Variants in LGI2 observed in about 807,000 individuals in gnomAD.
The protein encoded by LGI2 is leucine rich repeat LGI family member 2.
A neutral mutation model predicts 52.0 loss-of-function variants in LGI2; 30 were observed. The observed-to-expected ratio is 0.58, with a 90% CI of 0.43 to 0.78. LGI2 has a LOEUF of 0.78. Among genes scored for constraint, LGI2 ranks in the 30% least tolerant of loss-of-function variants. The pLI is 0.00. For missense variants in LGI2, 573 were observed against 692.5 expected, an observed-to-expected ratio of 0.83 and a Z score of 1.94; for synonymous variants, 270 against 271.8, an observed-to-expected ratio of 0.99 and a Z score of 0.06.
At position 25,027,261 on chromosome 4, in the gene LGI2, C is replaced by G. The variant is rs994826384; in HGVS notation, c.270-322G>C. Among the ~76,000 whole-genome samples, 4 of 152,102 alleles carry G rather than the reference C, an allele frequency of 2.6e-5. No homozygotes were observed. In the South Asian group the frequency reaches 6.2e-4, roughly 24 times the overall value. ...AGCACGACTAAACAGCCAGTGAATGCTTTATGGTACACAAGCAATCATAAA... is the reference window on the plus strand; with the variant it reads ...AGCACGACTAAACAGCCAGTGAATGGTTTATGGTACACAAGCAATCATAAA... On this transcript the variant is annotated intron_variant, in intron 2 of 7. Transcript: ENST00000382114.
chr4:24,996,481 C>G (rs1299270901), downstream of LGI2, among the ~76,000 whole-genome samples: 1 of 152,102 alleles, frequency 6.6e-6, no homozygotes, highest in Non-Finnish European at 1.5e-5. Flanking sequence ...ACAATGTGTC[C>G]TGAATTCTTT....
At chr4:24,992,395 G>A in the LGI2 span, among the ~76,000 whole-genome samples, 60 of 152,102 alleles carry the variant, frequency 3.9e-4, 1 homozygote, top group South Asian at 9.4e-3. Context: ...GGCTACTCAC[G>A]GGTAAGTGGG....
chr4:25,030,862 T>C lies in LGI2; in HGVS notation c.-169A>G, dbSNP rs1427236776. ...GCCGAGCCGCAGCCGAGCAGCATGC[T>C]GGCCGCCACCCCCACTCGGCGCCCC... On this transcript the variant is annotated 5_prime_UTR_variant, in exon 1 of 8. Transcript: ENST00000382114. 2 of 211,240 alleles carry C rather than the reference T, an allele frequency of 9.5e-6. No homozygotes were observed. The highest frequency in any genetic ancestry group is 6.4e-5 in the Admixed American group (1 of 15,584). 13.1% of individuals were successfully genotyped at this position (211,240 alleles called of 1,614,324 possible).
rs954520544 is a variant in LGI2, at chr4:24,999,863, A to G, written c.*3588T>C. ...GAGAGCAATTCATCACCACTCGTGCATTCAGGTTTTGAATTTTTCCTTCAC... is the reference window on the plus strand; with the variant it reads ...GAGAGCAATTCATCACCACTCGTGCGTTCAGGTTTTGAATTTTTCCTTCAC... On this transcript the variant is annotated 3_prime_UTR_variant, in exon 8 of 8. Coordinates refer to ENST00000382114, the MANE Select transcript of LGI2 (RefSeq NM_018176.4). 4.4e-6 allele frequency: 2 copies of G among 456,108 alleles called. No homozygotes were observed. Among genetic ancestry groups the G allele is most frequent in the African/African-American group, 2.0e-5 (1 of 50,070 alleles). The allele number at this position is 456,108 out of a possible 1,614,324, so 28.3% of individuals were successfully genotyped here. A position where few individuals can be genotyped will look rare whatever the true frequency, so the allele number is the denominator to read the frequency against.
intron 5 of LGI2, among the ~76,000 whole-genome samples, chr4:25,018,724 T>C (rs931233173): frequency 1.3e-5 from 2 of 151,600 alleles, no homozygotes; most frequent in Non-Finnish European, 2.9e-5. Flanking sequence ...TAGCTGGGGG[T>C]AGTGGTGTGC....
chr4:24,996,683 G>A (rs553078403), downstream of LGI2, among the ~76,000 whole-genome samples: 12 of 152,264 alleles, frequency 7.9e-5, no homozygotes, highest in African/African-American at 2.4e-4. Flanking sequence ...TGGGCTGGCC[G>A]CACCACCTTA....
intron 1 of LGI2, 129 bp downstream of exon 1, chr4:25,030,368 C>T: frequency 9.9e-7 from 1 of 1,013,986 alleles, no homozygotes; most frequent in Non-Finnish European, 1.4e-6. Flanking sequence ...ACGTCCCCCA[C>T]ACAAAGGCAA....
At chr4:24,996,890 G>A (rs957823868), downstream of LGI2, among the ~76,000 whole-genome samples, 1 of 152,224 alleles carries the variant, frequency 6.6e-6, no homozygotes, top group Non-Finnish European at 1.5e-5. Context: ...AGAGGTGTGT[G>A]CAGGAGCATG....
In LGI2 at chr4:25,018,035, C is replaced by T. The variant is rs1380300608; in HGVS notation, c.609G>A (p.Lys203=). 1 of 1,613,054 alleles carries T rather than the reference C, an allele frequency of 6.2e-7. No individual in the cohort carries two copies. Among genetic ancestry groups the T allele is most frequent in the African/African-American group, 1.3e-5 (1 of 75,022 alleles). ...CAAAGCTGGTCACGTCATTTAGCTT[C>T]TTTTCCTGATACTCTGGTGGACCAA... The part of the protein sequence containing the change: ...LCIGPPEYQE[K]KLNDVTSFDY... Residue 203 remains lysine, a synonymous_variant, in exon 6 of 8, where the codon AAG becomes AAA. Coordinates refer to ENST00000382114, the MANE Select transcript of LGI2 (RefSeq NM_018176.4).
chr4:25,006,098 C>T (rs568080128), intron 7 of LGI2, among the ~76,000 whole-genome samples: 1 of 152,346 alleles, frequency 6.6e-6, no homozygotes, highest in East Asian at 1.9e-4. Flanking sequence ...CCCCTTAGTG[C>T]TTGCCCATAG....
At chr4:25,017,776 A>G (rs1303944645) in intron 6 of LGI2, among the ~76,000 whole-genome samples, 2 of 152,186 alleles carry the variant, frequency 1.3e-5, no homozygotes, top group Admixed American at 1.3e-4. Context: ...AGAAGCAAAA[A>G]TAAAGCCAGG....
In LGI2 at chr4:24,999,605, C is replaced by T. The variant is rs752153460; in HGVS notation, c.*3846G>A. ...CTCTGCAGAAGAATCAGGAAGCCAGCTTAAGAGGTTTTCTTTAGGTGGCAT... is the reference window on the plus strand; with the variant it reads ...CTCTGCAGAAGAATCAGGAAGCCAGTTTAAGAGGTTTTCTTTAGGTGGCAT... On this transcript the variant is annotated 3_prime_UTR_variant, in exon 8 of 8. Coordinates refer to ENST00000382114, the MANE Select transcript of LGI2 (RefSeq NM_018176.4). 48 of 319,708 alleles carry T rather than the reference C, an allele frequency of 1.5e-4. No individual in the cohort carries two copies. Among genetic ancestry groups the T allele is most frequent in the Admixed American group, 7.5e-4 (17 of 22,772 alleles). The allele number at this position is 319,708 out of a possible 1,614,324, so 19.8% of individuals were successfully genotyped here. A position where few individuals can be genotyped will look rare whatever the true frequency, so the allele number is the denominator to read the frequency against.
chr4:25,003,534 C>T lies in LGI2; in HGVS notation c.1555G>A (p.Asp519Asn), dbSNP rs149289586. ...GATGCAAAAAAGAAATCTCTCCTGT[C>T]GGTGGAGACAGCTGTGAATGAACGA... ...APRSFTAVSTDRRDFFFASSF... is the reference protein window; with the variant it reads ...APRSFTAVSTNRRDFFFASSF... The change falls in exon 8 of 8, where the codon GAC (aspartate) becomes AAC (asparagine). Residue 519 changes from aspartate (D) to asparagine (N), a missense_variant. By Grantham distance (23) the Asp-to-Asn change is conservative. Transcript: ENST00000382114. 4.1e-5 allele frequency: 66 copies of T among 1,613,070 alleles called. No individual in the cohort carries two copies. The highest frequency in any genetic ancestry group is 1.6e-4 in the Middle Eastern group (1 of 6,074).
At chr4:25,013,449 C>A (rs1725654270) in intron 6 of LGI2, among the ~76,000 whole-genome samples, 1 of 152,134 alleles carries the variant, frequency 6.6e-6, no homozygotes, top group Admixed American at 6.5e-5. Context: ...GGGGTACCTT[C>A]CCATCCCCAA....
downstream of LGI2, among the ~76,000 whole-genome samples, chr4:24,995,784 T>A (rs1174049491): frequency 6.6e-6 from 1 of 152,202 alleles, no homozygotes. Context: ...CCACTGCAGG[T>A]CACATGGTGC....
At chr4:25,007,209 T>C (rs1447054035) in intron 7 of LGI2, among the ~76,000 whole-genome samples, 1 of 152,036 alleles carries the variant, frequency 6.6e-6, no homozygotes, top group Admixed American at 6.6e-5. Flanking sequence ...TATTTCTAGC[T>C]TTTCCTTATT....
Position 25,003,767 on chromosome 4 carries a change from C to G in LGI2, c.1322G>C (p.Gly441Ala). Residue 441 changes from glycine (G) to alanine (A), a missense_variant, in exon 8 of 8, where the codon GGG becomes GCG. Gly to Ala is a moderately conservative substitution (Grantham distance 60). Coordinates refer to ENST00000382114, the MANE Select transcript of LGI2 (RefSeq NM_018176.4). ...TLYLSLTRFI[G>A]DSRVMRWNSK... is the part of the protein sequence containing the mutation. ...GTTCCACCTCATGACCCGGGAGTCC[C>G]CGATGAAGCGGGTAAGGGAAAGGTA... 6.2e-7 allele frequency: 1 copy of G among 1,614,148 alleles called. No homozygotes were observed. Among genetic ancestry groups the G allele is most frequent in the Non-Finnish European group, 8.5e-7 (1 of 1,180,034 alleles).
At chr4:24,997,416 C>T (rs886951114), downstream of LGI2, among the ~76,000 whole-genome samples, 1 of 152,164 alleles carries the variant, frequency 6.6e-6, no homozygotes, top group African/African-American at 2.4e-5. Context: ...TTCTGACTTG[C>T]AGGTTTGAAA....
At chr4:25,008,069 G>A (rs147086456) in intron 7 of LGI2, among the ~76,000 whole-genome samples, 54 of 152,304 alleles carry the variant, frequency 3.5e-4, no homozygotes, top group African/African-American at 1.3e-3. Flanking sequence ...CCGAGAGACA[G>A]CTCCTCTCCT....
Sources: allele counts gnomAD v4.1 joint callset (sites outside exome capture counted in the v4.1 genomes callset), GRCh38; gene constraint gnomAD v4.1.1; transcripts MANE v1.5; gene names NCBI Gene and HGNC (gene_info 2026-07-23, HGNC 2026-07-21).